The following SETD6 variants were observed in gnomAD, a reference collection of about 807,000 sequenced individuals.
SETD6 encodes the protein N-lysine methyltransferase SETD6.
SETD6 carries 67 observed loss-of-function variants against 52.7 expected under a neutral mutation model. The observed-to-expected ratio is 1.27, with a 90% CI of 1.04 to 1.56. The LOEUF (loss-of-function observed/expected upper bound fraction) is 1.56. Among genes scored for constraint, SETD6 ranks in the 40% most tolerant of loss-of-function variants. SETD6 has a pLI of 0.00. For missense variants in SETD6, 712 were observed against 607.5 expected (o/e 1.17, Z -1.81); for synonymous variants, 307 against 250.2 (o/e 1.23, Z -2.14).
chr16:58,518,549 C>T lies in SETD6; in HGVS notation c.1116+6C>T, dbSNP rs781155150. The T allele has an allele frequency of 3.5e-5, 56 of 1,596,464 alleles. No homozygotes were observed. The highest frequency in any genetic ancestry group is 5.6e-5 in the Admixed American group (3 of 53,630). On this transcript the variant is annotated splice_donor_region_variant and intron_variant, in intron 7 of 7. Transcript: ENST00000219315. ...AGCTGACCACCACACTAAAGGTAAA[C>T]GGCTGAAAATGGCCATTTAATGCTG...
rs2039106845 is a variant in SETD6, at chr16:58,515,811, C to T, written c.48C>T (p.Gly16=). The change falls in exon 2 of 8, where the codon GGC becomes GGT. Residue 16 remains glycine (G), a synonymous_variant. Transcript: ENST00000219315. The stretch of plus-strand genomic sequence containing the variant: ...CTCAGGTGGCGGGGCCCGTGGACGG[C>T]GGCGACCTGGATCCTGTGGCCTGCT... ...KRPRVAGPVD[G]GDLDPVACFL... is the part of the protein sequence containing the mutation. The T allele has an allele frequency of 6.6e-6, 10 of 1,525,422 alleles. No homozygotes were observed. Among genetic ancestry groups the T allele is most frequent in the Non-Finnish European group, 7.9e-6 (9 of 1,145,238 alleles). 94.5% of individuals were successfully genotyped at this position (1,525,422 alleles called of 1,614,324 possible).
chr16:58,520,684 CCAGA>C lies in SETD6; in HGVS notation c.*1658_*1661del. 2.2e-6 allele frequency: 1 copy of C among 450,860 alleles called. No individual in the cohort carries two copies. Among genetic ancestry groups the C allele is most frequent in the South Asian group, 2.7e-5 (1 of 37,440 alleles). 27.9% of individuals were successfully genotyped at this position (450,860 alleles called of 1,614,324 possible). A position where few individuals can be genotyped will look rare whatever the true frequency, so the allele number is the denominator to read the frequency against. ...ACAGCTTGCACAAAGCCAAGAAGTT[CCAGA>C]CAAAGGTTTTCTCTTTCATGTATTT... On this transcript the variant is annotated 3_prime_UTR_variant, in exon 8 of 8. Transcript: ENST00000219315.
chr16:58,520,858 TG>T lies in SETD6; in HGVS notation c.*1832del, dbSNP rs2039342747. On this transcript the variant is annotated 3_prime_UTR_variant, in exon 8 of 8. Transcript: ENST00000219315. ...GGCAGATACCCACAAACCAAAGGGC[TG>T]GGAAAGTCAGGAAGAGCTGAAAGGA... 1 of 1,258,252 alleles carries T rather than the reference TG, an allele frequency of 7.9e-7. No homozygotes were observed. The highest frequency in any genetic ancestry group is 1.1e-6 in the Non-Finnish European group (1 of 874,592). 77.9% of individuals were successfully genotyped at this position (1,258,252 alleles called of 1,614,324 possible).
At chr16:58,518,647 A>T in intron 7 of SETD6, 77 bp from the exon 8 acceptor site, 1 of 1,584,802 alleles carries the variant, frequency 6.3e-7, no homozygotes, top group Non-Finnish European at 8.5e-7. Context: ...AAATGCTAAG[A>T]TGAGTTTAGT....
Position 58,521,115 on chromosome 16 carries a change from A to G in SETD6, c.*2086A>G. 1 of 1,613,002 alleles carries G rather than the reference A, an allele frequency of 6.2e-7. No individual in the cohort carries two copies. Among genetic ancestry groups the G allele is most frequent in the African/African-American group, 1.3e-5 (1 of 75,016 alleles). On this transcript the variant is annotated 3_prime_UTR_variant, in exon 8 of 8. Transcript: ENST00000219315. ...CCTTGCATCTCATTCAGCTGACCCA[A>G]CCTAGAGACAGATGGTTTTCAGTCT...
Position 58,515,529 on chromosome 16 carries a change from T to C in SETD6, c.-9T>C, listed in dbSNP as rs1412434747. ...TGCGCCGGCCCGCGAGGAAACGCGC[T>C]CTTAGACCATGGCGACCCAGGCGAA... On this transcript the variant is annotated 5_prime_UTR_variant, in exon 1 of 8. Transcript: ENST00000219315. 1 of 1,587,242 alleles carries C rather than the reference T, an allele frequency of 6.3e-7. No individual in the cohort carries two copies. Among genetic ancestry groups the C allele is most frequent in the South Asian group, 1.1e-5 (1 of 87,908 alleles).
At chr16:58,515,492 G>A, upstream of SETD6, 1 of 1,563,878 alleles carries the variant, frequency 6.4e-7, no homozygotes, top group Non-Finnish European at 8.6e-7. Context: ...GACGCCGGAA[G>A]TGACCGCGCG....
Position 58,516,294 on chromosome 16 carries a change from T to C in SETD6, c.427T>C (p.Tyr143His). Residue 143 changes from tyrosine (Y) to histidine (H), a missense_variant, in exon 3 of 8, where the codon TAC becomes CAC. Tyr to His is a moderately conservative substitution (Grantham distance 83). Transcript: ENST00000219315. Reference sequence around the variant, plus strand: ...GGCCCCGGCCTCACGCTGGAGGCCCTACTTTGCGCTCTGGCCCGAGCTGGG... The same window carrying C: ...GGCCCCGGCCTCACGCTGGAGGCCCCACTTTGCGCTCTGGCCCGAGCTGGG... ...LQAPASRWRP[Y>H]FALWPELGRL... 1 of 1,605,272 alleles carries C rather than the reference T, an allele frequency of 6.2e-7. No homozygotes were observed. The highest frequency in any genetic ancestry group is 1.1e-5 in the South Asian group (1 of 91,046).
Position 58,519,770 on chromosome 16 carries a change from A to G in SETD6, c.*741A>G, listed in dbSNP as rs1363888592. The G allele has an allele frequency of 6.6e-6, 1 of 152,174 alleles. No individual in the cohort carries two copies. Among genetic ancestry groups the G allele is most frequent in the Non-Finnish European group, 1.5e-5 (1 of 68,034 alleles). 9.4% of individuals were successfully genotyped at this position (152,174 alleles called of 1,614,324 possible). A position where few individuals can be genotyped will look rare whatever the true frequency, so the allele number is the denominator to read the frequency against. On this transcript the variant is annotated 3_prime_UTR_variant, in exon 8 of 8. Coordinates refer to ENST00000219315, the MANE Select transcript of SETD6 (RefSeq NM_001160305.4). Reference sequence around the variant, plus strand: ...TGAAATAAATAGGAAGAAAAATACAATTTCCTTAAACATGCCAGCTTAGTA... The same window carrying G: ...TGAAATAAATAGGAAGAAAAATACAGTTTCCTTAAACATGCCAGCTTAGTA...
Position 58,521,460 on chromosome 16 carries a change from T to C in SETD6, c.*2431T>C. 1 of 764,156 alleles carries C rather than the reference T, an allele frequency of 1.3e-6. No individual in the cohort carries two copies. The highest frequency in any genetic ancestry group is 2.1e-6 in the Non-Finnish European group (1 of 479,244). The allele number at this position is 764,156 out of a possible 1,614,324, so 47.3% of individuals were successfully genotyped here. ...CCTTTAGTAAAGACAGGTGGATTAA[T>C]ATACTCCAAATAGCACAGGTTGGAA... On this transcript the variant is annotated 3_prime_UTR_variant, in exon 8 of 8. Coordinates refer to ENST00000219315, the MANE Select transcript of SETD6 (RefSeq NM_001160305.4).
In SETD6 at chr16:58,517,090, A is replaced by G; in HGVS notation, c.792+162A>G. The G allele has an allele frequency of 2.9e-6, 3 of 1,046,886 alleles. No individual in the cohort carries two copies. In the South Asian group the frequency reaches 4.0e-5, roughly 14 times the overall value. 64.8% of individuals were successfully genotyped at this position (1,046,886 alleles called of 1,614,324 possible). On this transcript the variant is annotated intron_variant, in intron 5 of 7. Transcript: ENST00000219315. ...CTGTAGAATCATTTGAATGCGAAAC[A>G]TTTTAAAGTCCTCAAAGTAAGTTGT... is the stretch of plus-strand genomic sequence containing the variant.
At position 58,518,515 on chromosome 16, in the gene SETD6, C is replaced by T. The variant is rs772042940; in HGVS notation, c.1088C>T (p.Thr363Ile). 6.3e-7 allele frequency: 1 copy of T among 1,594,046 alleles called. No homozygotes were observed. The change falls in exon 7 of 8, where the codon ACT becomes ATT. Residue 363 changes from threonine to isoleucine, a missense_variant. Thr to Ile is a moderately conservative substitution (Grantham distance 89). Coordinates refer to ENST00000219315, the MANE Select transcript of SETD6 (RefSeq NM_001160305.4). ...AFVIGREEVL[T>I]EEELTTTLKV... ...GTGATAGGGAGGGAGGAGGTGCTGACTGAAGAGGAGCTGACCACCACACTA... is the reference window on the plus strand; with the variant it reads ...GTGATAGGGAGGGAGGAGGTGCTGATTGAAGAGGAGCTGACCACCACACTA...
At position 58,521,018 on chromosome 16, in the gene SETD6, T is replaced by G; in HGVS notation, c.*1989T>G. ...CCTGCTTCTGTCCCATGCAGCACTG[T>G]GCGACCGACTGGAATAACCTGAAGG... is the stretch of plus-strand genomic sequence containing the variant. On this transcript the variant is annotated 3_prime_UTR_variant, in exon 8 of 8. Transcript: ENST00000219315. The G allele has an allele frequency of 6.2e-7, 1 of 1,614,102 alleles. No homozygotes were observed. The highest frequency in any genetic ancestry group is 1.7e-5 in the Admixed American group (1 of 60,026).
Position 58,521,281 on chromosome 16 carries a change from A to G in SETD6, c.*2252A>G, listed in dbSNP as rs2039357363. On this transcript the variant is annotated 3_prime_UTR_variant, in exon 8 of 8. Coordinates refer to ENST00000219315, the MANE Select transcript of SETD6 (RefSeq NM_001160305.4). ...TGAAGGTAATAAGAAGACCCCAAGG[A>G]TGTGGCCTATTTACAATCAACCGTT... 2 of 1,613,798 alleles carry G rather than the reference A, an allele frequency of 1.2e-6. No individual in the cohort carries two copies. Among genetic ancestry groups the G allele is most frequent in the East Asian group, 4.5e-5 (2 of 44,886 alleles).
Position 58,519,882 on chromosome 16 carries a change from G to T in SETD6, c.*853G>T, listed in dbSNP as rs1227067679. ...CATGGCCCCAAGGTCTGCAGGGCTGGATTGTCCACTTTTCCTCCTCACCAC... is the reference window on the plus strand; with the variant it reads ...CATGGCCCCAAGGTCTGCAGGGCTGTATTGTCCACTTTTCCTCCTCACCAC... On this transcript the variant is annotated 3_prime_UTR_variant, in exon 8 of 8. Transcript: ENST00000219315. 1 of 152,224 alleles carries T rather than the reference G, an allele frequency of 6.6e-6. No individual in the cohort carries two copies. The highest frequency in any genetic ancestry group is 1.5e-5 in the Non-Finnish European group (1 of 68,054). The allele number at this position is 152,224 out of a possible 1,614,324, so 9.4% of individuals were successfully genotyped here.
At position 58,516,018 on chromosome 16, in the gene SETD6, C is replaced by T. The variant is rs922478630; in HGVS notation, c.255C>T (p.Ala85=). ...TGGTGGCCCGGGAGAGCGTGCAGGC[C>T]GGAGAGCTGTTGTTCGTGGTGCCGC... ...YGMVARESVQ[A]GELLFVVPRA... is the part of the protein sequence containing the mutation. The change falls in exon 2 of 8, where the codon GCC becomes GCT. Residue 85 remains alanine, a synonymous_variant. Coordinates refer to ENST00000219315, the MANE Select transcript of SETD6 (RefSeq NM_001160305.4). 3.9e-6 allele frequency: 6 copies of T among 1,539,232 alleles called. No individual in the cohort carries two copies. Among genetic ancestry groups the T allele is most frequent in the Admixed American group, 3.9e-5 (2 of 51,458 alleles).
In SETD6 at chr16:58,523,267, C is replaced by T; in HGVS notation, c.*4238C>T. On this transcript the variant is annotated 3_prime_UTR_variant, in exon 8 of 8. Coordinates refer to ENST00000219315, the MANE Select transcript of SETD6 (RefSeq NM_001160305.4). Reference sequence around the variant, plus strand: ...CTCAAAAAAACAAAAAAAAAACCAACCAAACGGATTTTCACTGAACACTGA... The same window carrying T: ...CTCAAAAAAACAAAAAAAAAACCAATCAAACGGATTTTCACTGAACACTGA... 1.6e-6 allele frequency: 2 copies of T among 1,288,500 alleles called. No individual in the cohort carries two copies. The highest frequency in any genetic ancestry group is 2.1e-6 in the Non-Finnish European group (2 of 956,124). 79.8% of individuals were successfully genotyped at this position (1,288,500 alleles called of 1,614,324 possible).
At position 58,516,048 on chromosome 16, in the gene SETD6, C is replaced by T. The variant is rs1162532038; in HGVS notation, c.285C>T (p.Ala95=). The change falls in exon 2 of 8, where the codon GCC becomes GCT. Residue 95 remains alanine, a synonymous_variant. Coordinates refer to ENST00000219315, the MANE Select transcript of SETD6 (RefSeq NM_001160305.4). ...AGCTGTTGTTCGTGGTGCCGCGGGC[C>T]GCGCTCCTGTCGCAGCACACCTGCT... ...AGELLFVVPR[A]ALLSQHTCSI... is the part of the protein sequence containing the mutation. 2.6e-6 allele frequency: 4 copies of T among 1,513,092 alleles called. No individual in the cohort carries two copies. The highest frequency in any genetic ancestry group is 3.5e-6 in the Non-Finnish European group (4 of 1,142,168). The allele number at this position is 1,513,092 out of a possible 1,614,324, so 93.7% of individuals were successfully genotyped here. A position where few individuals can be genotyped will look rare whatever the true frequency, so the allele number is the denominator to read the frequency against.
In SETD6 at chr16:58,518,912, A is replaced by C. The variant is rs779447119; in HGVS notation, c.1305A>C (p.Gln435His). The C allele has an allele frequency of 1.9e-6, 3 of 1,614,226 alleles. No individual in the cohort carries two copies. Among genetic ancestry groups the C allele is most frequent in the Non-Finnish European group, 2.5e-6 (3 of 1,180,036 alleles). Residue 435 changes from glutamine (Q) to histidine (H), a missense_variant, in exon 8 of 8, where the codon CAA becomes CAC. Physicochemically the swap from Gln to His is conservative, Grantham distance 24. Coordinates refer to ENST00000219315, the MANE Select transcript of SETD6 (RefSeq NM_001160305.4). The stretch of plus-strand genomic sequence containing the variant: ...ATGCCACAGACTTAAAAACTGACCA[A>C]GGTTTACTCAGTAATAAGGAAGTCT... ...QTYATDLKTD[Q>H]GLLSNKEVYA...
Sources: allele counts gnomAD v4.1 joint callset, GRCh38; gene constraint gnomAD v4.1.1; transcripts MANE v1.5; gene names NCBI Gene and HGNC (gene_info 2026-07-23, HGNC 2026-07-21).